TBC1D15: variants seen among roughly 807,000 people sequenced by gnomAD.
TBC1D15 encodes the protein TBC1 domain family member 15.
In TBC1D15, 39 loss-of-function variants were observed where a neutral mutation model predicts 95.4. The ratio of observed to expected loss-of-function variants is 0.41; its 90% confidence interval spans 0.32 to 0.53. The LOEUF (loss-of-function observed/expected upper bound fraction) is 0.53, where lower values mean the gene tolerates loss of function less well. TBC1D15 is among the 20% of genes least tolerant of loss of function. The pLI, the probability that TBC1D15 is intolerant of heterozygous loss-of-function variation, is 0.29. For synonymous variants in TBC1D15, 258 were observed against 261.3 expected (o/e 0.99, Z 0.12); for missense variants, 733 against 794.3 (o/e 0.92, Z 0.93).
intron 10 of TBC1D15, among the ~76,000 whole-genome samples, chr12:71,899,771 A>T (rs768910133): frequency 3.3e-5 from 5 of 152,146 alleles, no homozygotes; most frequent in Non-Finnish European, 7.3e-5. Context: ...GCATAAGTTC[A>T]GGCAATAAAT....
At chr12:71,856,178 T>C (rs997759913) in intron 1 of TBC1D15, among the ~76,000 whole-genome samples, 4 of 152,144 alleles carry the variant, frequency 2.6e-5, no homozygotes, top group Admixed American at 2.6e-4. Flanking sequence ...CCATTAGAGA[T>C]GTATTTTAGA....
At position 71,917,670 on chromosome 12, in the gene TBC1D15, T is replaced by C. The variant is rs770205260; in HGVS notation, c.1402-28T>C. ...GTACTATAAAATATTTATTAAATAT[T>C]ACTTGTAACAATTATTTCCTTTTAA... On this transcript the variant is annotated intron_variant, in intron 12 of 16. Transcript: ENST00000485960. 5.0e-6 allele frequency: 7 copies of C among 1,407,970 alleles called. No individual in the cohort carries two copies. In the Admixed American group the frequency reaches 1.2e-4, roughly 24 times the overall value. The allele number at this position is 1,407,970 out of a possible 1,614,324, so 87.2% of individuals were successfully genotyped here.
chr12:71,840,170 C>T (rs562218059), intron 1 of TBC1D15, among the ~76,000 whole-genome samples: 1 of 152,348 alleles, frequency 6.6e-6, no homozygotes, highest in East Asian at 1.9e-4. Context: ...CTGACTCCAG[C>T]GTCTTTTCTC....
intron 11 of TBC1D15, among the ~76,000 whole-genome samples, chr12:71,909,050 G>A (rs1482290372): frequency 6.6e-6 from 1 of 152,204 alleles, no homozygotes; most frequent in East Asian, 1.9e-4. Context: ...AAATTCATAT[G>A]TATTCTGTAG....
At chr12:71,886,928 G>A (rs193216956) in intron 5 of TBC1D15, among the ~76,000 whole-genome samples, 4 of 152,252 alleles carry the variant, frequency 2.6e-5, no homozygotes, top group Admixed American at 2.0e-4. Flanking sequence ...GTCTGAGACT[G>A]TTGATTAAAG....
chr12:71,860,856 A>G (rs935374870), intron 1 of TBC1D15, among the ~76,000 whole-genome samples: 2 of 152,054 alleles, frequency 1.3e-5, no homozygotes, highest in African/African-American at 4.8e-5. Flanking sequence ...TGTTGGCTGT[A>G]GAGTTCATTG....
chr12:71,888,803 T>C (rs1274461691), intron 5 of TBC1D15, among the ~76,000 whole-genome samples: 1 of 152,018 alleles, frequency 6.6e-6, no homozygotes, highest in African/African-American at 2.4e-5. Context: ...CTCATTTCCT[T>C]TTGGAAATGT....
chr12:71,868,301 G>A (rs113106548), intron 1 of TBC1D15, among the ~76,000 whole-genome samples: 13,312 of 149,942 alleles, frequency 0.089, 661 homozygotes, highest in East Asian at 0.16. Context: ...GCTTGAGTGC[G>A]GTAGCACGAT....
chr12:71,903,252 C>G (rs187355468), intron 10 of TBC1D15, among the ~76,000 whole-genome samples: 14 of 152,108 alleles, frequency 9.2e-5, no homozygotes, highest in Admixed American at 2.6e-4. Context: ...CACTGCCAAC[C>G]AACATATGAA....
In TBC1D15 at chr12:71,884,898, G is replaced by T. The variant is rs1221960321; in HGVS notation, c.431G>T (p.Gly144Val). The T allele has an allele frequency of 1.2e-6, 2 of 1,614,048 alleles. No homozygotes were observed. The highest frequency in any genetic ancestry group is 1.7e-6 in the Non-Finnish European group (2 of 1,179,960). The change falls in exon 5 of 17, where the codon GGT becomes GTT. Residue 144 changes from glycine (G) to valine (V), a missense_variant. Gly to Val is a moderately radical substitution (Grantham distance 109). Coordinates refer to ENST00000485960, the MANE Select transcript of TBC1D15 (RefSeq NM_001146213.3). ...DLKSIKQNKEGMGWSYLVFCL... is the reference protein window; with the variant it reads ...DLKSIKQNKEVMGWSYLVFCL... ...AAATCAATCAAGCAAAACAAAGAGG[G>T]TATGGGCTGGTCCTATTTGGTATTC...
chr12:71,840,164 C>T (rs976306366), intron 1 of TBC1D15, among the ~76,000 whole-genome samples: 1 of 152,186 alleles, frequency 6.6e-6, no homozygotes, highest in Non-Finnish European at 1.5e-5. Flanking sequence ...ACTCTTCTGA[C>T]TCCAGCGTCT....
intron 3 of TBC1D15, among the ~76,000 whole-genome samples, chr12:71,878,247 A>AT (rs144633873): frequency 0.086 from 13,130 of 152,028 alleles, 644 homozygotes; most frequent in South Asian, 0.15. Flanking sequence ...ATTGTGTTTG[A>AT]TTTTTCCTAA....
chr12:71,885,701 G>C (rs73336834), intron 5 of TBC1D15, among the ~76,000 whole-genome samples: 4,183 of 152,242 alleles, frequency 0.027, 194 homozygotes, highest in African/African-American at 0.094. Context: ...AAGCCGCTTT[G>C]GGAGTTCCTG....
intron 1 of TBC1D15, chr12:71,841,208 C>T (rs1565926865): frequency 6.6e-6 from 1 of 152,062 alleles, no homozygotes. Context: ...GGATCCCTTC[C>T]GTTTAAACAT....
chr12:71,882,062 TAA>T (rs1033322827), intron 4 of TBC1D15, among the ~76,000 whole-genome samples: 1 of 151,946 alleles, frequency 6.6e-6, no homozygotes, highest in African/African-American at 2.4e-5. Context: ...TCTTATTTTC[TAA>T]AAGTTTTTTT....
At chr12:71,893,120 G>GTTTTTTTTTT (rs77560730) in intron 5 of TBC1D15, 102 bp from the exon 6 acceptor site, 1 of 423,430 alleles carries the variant, frequency 2.4e-6, no homozygotes, top group Non-Finnish European at 3.8e-6. Context: ...AATATTTTGG[G>GTTTTTTTTTT]TTTTTTTTTT....
At position 71,923,172 on chromosome 12, in the gene TBC1D15, T is replaced by A. The variant is rs148786770; in HGVS notation, c.1993T>A (p.Ser665Thr). Residue 665 changes from serine (S) to threonine (T), a missense_variant, in exon 17 of 17, where the codon TCC (serine) becomes ACC (threonine). Physicochemically the swap from Ser to Thr is moderately conservative, Grantham distance 58. Transcript: ENST00000485960. ...TGACAGCCCAACACAGATACCAGTG[T>A]CCTCAGATGTCTGCAGATTAACACC... is the stretch of plus-strand genomic sequence containing the variant. Reference protein sequence around the residue: ...RNDSPTQIPVSSDVCRLTPA With the variant: ...RNDSPTQIPVTSDVCRLTPA 7.7e-5 allele frequency: 125 copies of A among 1,614,092 alleles called. 2 individuals are homozygous for A. The highest frequency in any genetic ancestry group is 4.2e-4 in the East Asian group (19 of 44,900).
At chr12:71,884,176 T>A (rs1895768286) in intron 4 of TBC1D15, among the ~76,000 whole-genome samples, 1 of 152,192 alleles carries the variant, frequency 6.6e-6, no homozygotes, top group African/African-American at 2.4e-5. Flanking sequence ...GTGTTATTTT[T>A]TATATCAGTA....
At position 71,923,395 on chromosome 12, in the gene TBC1D15, G is replaced by T; in HGVS notation, c.*191G>T. ...TTTTTGTAGTTACTTCTACCAAATA[G>T]CCTTTCCTTTTCGATAACATTCCTC... On this transcript the variant is annotated 3_prime_UTR_variant, in exon 17 of 17. Coordinates refer to ENST00000485960, the MANE Select transcript of TBC1D15 (RefSeq NM_001146213.3). 1.9e-6 allele frequency: 1 copy of T among 524,846 alleles called. No individual in the cohort carries two copies. The highest frequency in any genetic ancestry group is 3.3e-5 in the South Asian group (1 of 30,190). The allele number at this position is 524,846 out of a possible 1,614,324, so 32.5% of individuals were successfully genotyped here.
Sources: gnomAD v4.1 joint callset for allele counts (sites outside exome capture counted in the v4.1 genomes callset) on GRCh38, gnomAD v4.1.1 for gene constraint, MANE v1.5 for transcripts, NCBI Gene and HGNC (gene_info 2026-07-23, HGNC 2026-07-21) for gene names.